Variants in HELZ observed in about 807,000 individuals in gnomAD.
The protein encoded by HELZ is ATP-dependent RNA helicase with zinc finger domain.
Under a neutral mutation model 218.2 loss-of-function variants are expected in HELZ, and 23 were observed. That is an observed-to-expected ratio of 0.11 (90% CI 0.08 to 0.15). HELZ has a LOEUF of 0.15. Among genes scored for constraint, HELZ ranks in the 10% least tolerant of loss-of-function variants. The pLI, the probability that HELZ is intolerant of heterozygous loss-of-function variation, is 1.00. For missense variants in HELZ, 1,813 were observed against 2,353.7 expected (o/e 0.77, Z 4.75); for synonymous variants, 814 against 829.4 (o/e 0.98, Z 0.32).
At chr17:67,215,294 T>C (rs190384725) in intron 5 of HELZ, among the ~76,000 whole-genome samples, 3 of 152,310 alleles carry the variant, frequency 2.0e-5, no homozygotes, top group Non-Finnish European at 2.9e-5. Context: ...TAACATTTTA[T>C]TCAATGTGAG....
At chr17:67,190,649 T>C (rs549433744) in intron 9 of HELZ, among the ~76,000 whole-genome samples, 4 of 152,336 alleles carry the variant, frequency 2.6e-5, no homozygotes, top group East Asian at 3.9e-4. Context: ...AGTAGCTTCC[T>C]TGGTCATATA....
At chr17:67,080,551 T>C (rs1020307913) in intron 32 of HELZ, among the ~76,000 whole-genome samples, 2 of 152,186 alleles carry the variant, frequency 1.3e-5, no homozygotes, top group Non-Finnish European at 2.9e-5. Context: ...CATTTACCCA[T>C]CCAAAACCTT....
intron 12 of HELZ, among the ~76,000 whole-genome samples, chr17:67,179,318 T>C (rs2039543949): frequency 6.6e-6 from 1 of 152,174 alleles, no homozygotes; most frequent in Admixed American, 6.5e-5. Flanking sequence ...CTACTACCAA[T>C]ACCCATCCCA....
rs967481560 is a variant in HELZ at position 67,217,204 on chromosome 17, T to A, written c.211-1269A>T. 5.6e-4 allele frequency among the ~76,000 whole-genome samples: 86 copies of A among 152,326 alleles called. 1 individual carries two copies. The highest frequency in any genetic ancestry group is 5.0e-3 in the Admixed American group (77 of 15,294). ...AACCTCCTCCCCAGCTGTAGCCTTC[T>A]AACCTCAGTTGAAGGAAACATCATT... On this transcript the variant is annotated intron_variant, in intron 4 of 32. Transcript: ENST00000358691.
intron 31 of HELZ, among the ~76,000 whole-genome samples, chr17:67,099,200 G>A (rs980696047): frequency 1.3e-5 from 2 of 150,196 alleles, no homozygotes; most frequent in Admixed American, 6.6e-5. Flanking sequence ...TATTGCTTTC[G>A]CCCAGTTCTG....
Position 67,208,564 on chromosome 17 carries a change from T to TTA in HELZ, c.248-5123_248-5122dup, listed in dbSNP as rs60008301. Among the ~76,000 whole-genome samples, 1,079 of 151,978 alleles carry TTA rather than the reference T, an allele frequency of 7.1e-3. 14 individuals are homozygous for TTA. The highest frequency in any genetic ancestry group is 0.024 in the African/African-American group (1,015 of 41,466). Reference sequence around the variant, plus strand: ...AGAGTTTAAAATAAATACATAAAGCTTATATATATATAAATTTTTTAAAAA... The same window carrying TTA: ...AGAGTTTAAAATAAATACATAAAGCTTATATATATATATAAATTTTTTAAAAA... On this transcript the variant is annotated intron_variant, in intron 5 of 32. Transcript: ENST00000358691.
intron 7 of HELZ, among the ~76,000 whole-genome samples, chr17:67,196,751 A>G (rs141305038): frequency 7.9e-5 from 12 of 152,280 alleles, no homozygotes; most frequent in African/African-American, 2.6e-4. Context: ...ACTTTATCCT[A>G]AAGTTGATCC....
At chr17:67,140,680 G>A (rs1356114014) in intron 21 of HELZ, among the ~76,000 whole-genome samples, 1 of 152,088 alleles carries the variant, frequency 6.6e-6, no homozygotes, top group Non-Finnish European at 1.5e-5. Flanking sequence ...AGAAATAATG[G>A]CTAAAAATTT....
rs750032503 is a variant in HELZ, at chr17:67,108,580, G to C, written c.4636C>G (p.Pro1546Ala). ...HHPHLQHLPQ[P>A]PLGLHQPPVR... ...GGCGGCTGATGTAATCCCAGGGGCG[G>C]CTGAGGAAGATGCTGGAGGTGAGGA... The change falls in exon 30 of 33, where the codon CCG becomes GCG. Residue 1546 changes from proline (P) to alanine (A), a missense_variant. By Grantham distance (27) the Pro-to-Ala change is conservative. Transcript: ENST00000358691. The surrounding 1 kb of genome is among the most constrained non-coding windows in gnomAD (Gnocchi z 4.1). 6.2e-7 allele frequency: 1 copy of C among 1,614,108 alleles called. No individual in the cohort carries two copies. Among genetic ancestry groups the C allele is most frequent in the South Asian group, 1.1e-5 (1 of 91,084 alleles).
intron 31 of HELZ, among the ~76,000 whole-genome samples, chr17:67,099,572 TAAGA>T (rs2036858515): frequency 6.6e-6 from 1 of 152,210 alleles, no homozygotes; most frequent in African/African-American, 2.4e-5. Flanking sequence ...ACAGGAAATC[TAAGA>T]AAGAAGGAAA....
intron 13 of HELZ, among the ~76,000 whole-genome samples, chr17:67,175,584 G>T (rs965229079): frequency 3.3e-5 from 5 of 152,146 alleles, no homozygotes; most frequent in Non-Finnish European, 7.4e-5. Context: ...TGCATTCTGA[G>T]AACTCTATCT....
intron 6 of HELZ, 83 bp downstream of exon 6, chr17:67,203,234 TAC>T (rs1443916529): frequency 3.6e-6 from 5 of 1,383,316 alleles, no homozygotes; most frequent in Admixed American, 2.2e-5. Context: ...GAAAAAAAGA[TAC>T]ACTTTTTTTT....
chr17:67,119,493 G>A (rs2037531457), intron 27 of HELZ, among the ~76,000 whole-genome samples: 1 of 150,854 alleles, frequency 6.6e-6, no homozygotes, highest in Non-Finnish European at 1.5e-5. Context: ...ATTGCAAAGG[G>A]TGGAAAGAAA....
At chr17:67,244,066 A>G (rs2041398111) in intron 1 of HELZ, 1 of 792,214 alleles carries the variant, frequency 1.3e-6, no homozygotes, top group African/African-American at 1.9e-5. Flanking sequence ...ACTCAAAAAC[A>G]TAATAAAATC....
intron 21 of HELZ, among the ~76,000 whole-genome samples, chr17:67,139,032 G>A (rs2038238271): frequency 6.6e-6 from 1 of 152,082 alleles, no homozygotes; most frequent in Admixed American, 6.6e-5. Context: ...ACAGAGGAAG[G>A]AGGTGTGTTT....
At chr17:67,225,911 G>C (rs149896820) in intron 3 of HELZ, among the ~76,000 whole-genome samples, 40 of 152,058 alleles carry the variant, frequency 2.6e-4, no homozygotes, top group African/African-American at 9.4e-4. Context: ...ACAAGTTAGA[G>C]ACTGGGAGAA....
rs1168929537 is a variant in HELZ, at chr17:67,188,935, T to A, written c.865-319A>T. 6.6e-6 allele frequency among the ~76,000 whole-genome samples: 1 copy of A among 152,128 alleles called. No individual in the cohort carries two copies. The highest frequency in any genetic ancestry group is 1.9e-4 in the East Asian group (1 of 5,200). ...TACAGAAGTTTCATGTAGCCTCAAG[T>A]AGGAAGCCTTCGTAAGAGGGCAGTT... On this transcript the variant is annotated intron_variant, in intron 11 of 32. Transcript: ENST00000358691. This position sits in a 1 kb window ranked among gnomAD's most constrained non-coding sequence, Gnocchi z 4.1.
chr17:67,214,053 G>A (rs912226500), intron 5 of HELZ, among the ~76,000 whole-genome samples: 6 of 152,012 alleles, frequency 3.9e-5, no homozygotes, highest in Non-Finnish European at 7.4e-5. Flanking sequence ...TCAGATGGGG[G>A]AAGGATAAAT....
intron 7 of HELZ, 96 bp from the exon 8 acceptor site, chr17:67,195,566 G>T: frequency 2.9e-6 from 2 of 697,990 alleles, no homozygotes; most frequent in Non-Finnish European, 5.1e-6. Context: ...AGGTGAAGTT[G>T]GAATACTCAG....
Sources: allele counts gnomAD v4.1 joint callset (sites outside exome capture counted in the v4.1 genomes callset), GRCh38; gene constraint gnomAD v4.1.1; non-coding constraint Gnocchi (gnomAD v3.1); transcripts MANE v1.5; gene names NCBI Gene and HGNC (gene_info 2026-07-23, HGNC 2026-07-21).